ADAMTSL1: variants seen among roughly 807,000 people sequenced by gnomAD.
The protein encoded by ADAMTSL1 is ADAMTS like 1, also known as ADAMTS-like protein 1.
In ADAMTSL1, 126 loss-of-function variants were observed where a neutral mutation model predicts 201.8. The ratio of observed to expected loss-of-function variants is 0.62; its 90% CI spans 0.54 to 0.72. The LOEUF (loss-of-function observed/expected upper bound fraction) is 0.72, where lower values mean the gene tolerates loss of function less well. Ranked by LOEUF, ADAMTSL1 falls within the 30% of genes least tolerant of loss-of-function variation. ADAMTSL1 has a pLI of 0.00. For missense variants in ADAMTSL1, 2,679 were observed against 2,277.8 expected, an observed-to-expected ratio of 1.18 and a Z score of -3.59; for synonymous variants, 1,121 against 903.4, an observed-to-expected ratio of 1.24 and a Z score of -4.32.
chr9:18,012,978 C>G lies in ADAMTSL1; in HGVS notation c.87+106056C>G, dbSNP rs1336565348. ...TATTTTGGGCCTCCTTCTTACCCAC[C>G]ATTTACTTACCAGCATTTTTTTTTT... On this transcript the variant is annotated intron_variant, in intron 1 of 29. Coordinates refer to the ADAMTSL1 transcript ENST00000680146. Among the ~76,000 whole-genome samples, 6 of 147,238 alleles carry G rather than the reference C, an allele frequency of 4.1e-5. No homozygotes were observed. The East Asian group carries it at 1.0e-3, about 25-fold the overall frequency.
chr9:18,235,244 C>G (rs372601962), intron 2 of ADAMTSL1, among the ~76,000 whole-genome samples: 1 of 152,112 alleles, frequency 6.6e-6, no homozygotes, highest in African/African-American at 2.4e-5. Flanking sequence ...CAGGTATTTT[C>G]TCGAATGTCT....
In ADAMTSL1 at chr9:18,485,674, G is replaced by T. The variant is rs763289822; in HGVS notation, c.63+11379G>T. Among the ~76,000 whole-genome samples, 186 of 152,182 alleles carry T rather than the reference G, an allele frequency of 1.2e-3. 3 individuals carry two copies. Among genetic ancestry groups the T allele is most frequent in the Non-Finnish European group, 1.3e-3 (90 of 68,028 alleles). ...GGAAGAGGGGGCATTGCCAGCAGAG[G>T]GACTTGCACGGCAAAGGCCCAGAAG... On this transcript the variant is annotated intron_variant, in intron 1 of 28. Transcript: ENST00000380548.
At chr9:18,228,826 G>A (rs1830530198) in intron 2 of ADAMTSL1, among the ~76,000 whole-genome samples, 1 of 150,300 alleles carries the variant, frequency 6.7e-6, no homozygotes, top group African/African-American at 2.5e-5. Context: ...CTGTGATTGT[G>A]ATTCAGAGTT....
chr9:18,043,876 A>G (rs1262019499), intron 1 of ADAMTSL1, among the ~76,000 whole-genome samples: 2 of 151,454 alleles, frequency 1.3e-5, no homozygotes, highest in African/African-American at 4.9e-5. Context: ...TACTTTATTT[A>G]GTAACCTGAT....
chr9:18,191,052 G>C (rs1349241996), intron 2 of ADAMTSL1, among the ~76,000 whole-genome samples: 1 of 152,178 alleles, frequency 6.6e-6, no homozygotes, highest in African/African-American at 2.4e-5. Flanking sequence ...CAGTGGTAAA[G>C]GGAACAGCAG....
At chr9:18,643,670 G>T (rs1207873641) in intron 7 of ADAMTSL1, among the ~76,000 whole-genome samples, 3 of 151,892 alleles carry the variant, frequency 2.0e-5, no homozygotes, top group African/African-American at 7.2e-5. Context: ...CAGCAACTTT[G>T]TCAGAAAATC....
chr9:18,220,834 G>C (rs1387197518), intron 2 of ADAMTSL1, among the ~76,000 whole-genome samples: 3 of 151,810 alleles, frequency 2.0e-5, no homozygotes, highest in Non-Finnish European at 4.4e-5. Flanking sequence ...GAGTGCAGTG[G>C]CATGATCTAG....
At chr9:18,103,752 C>T (rs567625352) in intron 1 of ADAMTSL1, among the ~76,000 whole-genome samples, 48 of 152,164 alleles carry the variant, frequency 3.2e-4, no homozygotes, top group African/African-American at 1.1e-3. Context: ...ACCTATATTC[C>T]ATGGAATTCT....
At chr9:18,408,278 G>T (rs1237229345) in intron 2 of ADAMTSL1, among the ~76,000 whole-genome samples, 3 of 152,102 alleles carry the variant, frequency 2.0e-5, no homozygotes, top group African/African-American at 7.2e-5. Context: ...AGACCAACCT[G>T]GCCAACATGG....
chr9:18,849,230 G>T lies in ADAMTSL1; in HGVS notation c.4249+19253G>T, dbSNP rs531263616. ...AGGTGGCAGGGCCTTGACTTGGAAG[G>T]CCTCTTGAATTGTTTTCATCTCTCA... On this transcript the variant is annotated intron_variant, in intron 23 of 28. Transcript: ENST00000380548. 1.4e-3 allele frequency among the ~76,000 whole-genome samples: 216 copies of T among 152,248 alleles called. 2 individuals are homozygous for T. Among genetic ancestry groups the T allele is most frequent in the Non-Finnish European group, 1.9e-3 (132 of 68,018 alleles).
chr9:18,167,492 T>C (rs1827685716), intron 2 of ADAMTSL1, among the ~76,000 whole-genome samples: 1 of 151,914 alleles, frequency 6.6e-6, no homozygotes, highest in Non-Finnish European at 1.5e-5. Context: ...AGTTTGTTTT[T>C]TAGGGCAAGT....
intron 16 of ADAMTSL1, among the ~76,000 whole-genome samples, chr9:18,761,331 T>A (rs905579785): frequency 6.6e-6 from 1 of 152,220 alleles, no homozygotes. Flanking sequence ...TCTTTAAAAG[T>A]ACAGGACACT....
At chr9:18,722,962 G>A (rs992497068) in intron 15 of ADAMTSL1, 5 of 759,060 alleles carry the variant, frequency 6.6e-6, no homozygotes, top group Admixed American at 1.8e-5. Context: ...GAGCCTAAAT[G>A]TGTGGGCAAA....
intron 13 of ADAMTSL1, among the ~76,000 whole-genome samples, chr9:18,705,486 C>T (rs908547383): frequency 8.6e-5 from 13 of 151,982 alleles, no homozygotes; most frequent in African/African-American, 2.7e-4. Flanking sequence ...TATTTTTCTA[C>T]GTTCTAGAGA....
At chr9:17,955,922 G>C (rs1329920) in intron 1 of ADAMTSL1, among the ~76,000 whole-genome samples, 32,475 of 152,018 alleles carry the variant, frequency 0.21, 3,747 homozygotes, top group East Asian at 0.36. Context: ...AATATGTTTT[G>C]AGCTTCTAAT....
At chr9:18,123,271 AAGT>A (rs1262054953) in intron 1 of ADAMTSL1, among the ~76,000 whole-genome samples, 2 of 152,238 alleles carry the variant, frequency 1.3e-5, no homozygotes, top group Non-Finnish European at 1.5e-5. Context: ...TTTTCATCAC[AAGT>A]TGGCTGAAAA....
intron 1 of ADAMTSL1, among the ~76,000 whole-genome samples, chr9:17,944,471 G>C (rs1273585562): frequency 5.9e-5 from 9 of 152,026 alleles, no homozygotes; most frequent in African/African-American, 2.2e-4. Context: ...CTACTTTAAA[G>C]TTCATATGGA....
chr9:18,429,428 T>C (rs73417049), intron 2 of ADAMTSL1, among the ~76,000 whole-genome samples: 2,117 of 152,234 alleles, frequency 0.014, 50 homozygotes, highest in African/African-American at 0.047. Context: ...GATCTGGATA[T>C]GTCTGATGTG....
intron 15 of ADAMTSL1, among the ~76,000 whole-genome samples, chr9:18,744,613 A>G (rs905400163): frequency 6.6e-6 from 1 of 152,246 alleles, no homozygotes; most frequent in African/African-American, 2.4e-5. Flanking sequence ...CACCCTTTAC[A>G]TGGAGGTTCT....
Sources: gnomAD v4.1 joint callset for allele counts (sites outside exome capture counted in the v4.1 genomes callset) on GRCh38, gnomAD v4.1.1 for gene constraint, MANE v1.5 for transcripts, NCBI Gene and HGNC (gene_info 2026-07-23, HGNC 2026-07-21) for gene names.